The following OMD variants were observed in gnomAD, a reference collection of about 807,000 sequenced individuals.
The protein encoded by OMD is KSPG osteomodulin.
Under a neutral mutation model 31.2 loss-of-function variants are expected in OMD, and 19 were observed. That is an observed-to-expected ratio of 0.61 (90% confidence interval 0.42 to 0.89). The LOEUF (loss-of-function observed/expected upper bound fraction) is 0.89, where lower values mean the gene tolerates loss of function less well. OMD is among the 40% of genes least tolerant of loss of function. The pLI, the probability that OMD is intolerant of heterozygous loss-of-function variation, is 0.00. For missense variants in OMD, 448 were observed against 490.8 expected, an observed-to-expected ratio of 0.91 and a Z score of 0.82; for synonymous variants, 155 against 166.4, an observed-to-expected ratio of 0.93 and a Z score of 0.53.
rs190989996 is a variant in OMD at position 92,417,155 on chromosome 9, C to T, written c.404G>A (p.Gly135Asp). The T allele has an allele frequency of 1.1e-5, 17 of 1,613,672 alleles. No individual in the cohort carries two copies. The highest frequency in any genetic ancestry group is 6.7e-5 in the East Asian group (3 of 44,872). ...NKIKSQKIDY[G>D]VFAKLPNLLQ... The stretch of plus-strand genomic sequence containing the variant: ...TAGATTTGGAAGCTTAGCAAACACA[C>T]CATAATCAATCTTTTGAGATTTAAT... The change falls in exon 2 of 3, where the codon GGT (glycine) becomes GAT (aspartate). Residue 135 changes from glycine (G) to aspartate (D), a missense_variant. By Grantham distance (94) the Gly-to-Asp change is moderately conservative (BLOSUM62 -1). Coordinates refer to ENST00000375550, the MANE Select transcript of OMD (RefSeq NM_005014.3).
chr9:92,417,205 T>C lies in OMD; in HGVS notation c.354A>G (p.Lys118=), dbSNP rs757304061. 6.2e-7 allele frequency: 1 copy of C among 1,614,014 alleles called. No homozygotes were observed. Among genetic ancestry groups the C allele is most frequent in the South Asian group, 1.1e-5 (1 of 91,086 alleles). The change falls in exon 2 of 3, where the codon AAA becomes AAG. Residue 118 remains lysine (K), a synonymous_variant. Coordinates refer to ENST00000375550, the MANE Select transcript of OMD (RefSeq NM_005014.3). ...ANSFINATHL[K]EINLSHNKIK... ...TTTTGTTGTGGCTGAGGTTAATTTC[T>C]TTAAGATGAGTTGCATTGATGAATG... is the stretch of plus-strand genomic sequence containing the variant.
chr9:92,414,055 A>G lies in OMD; in HGVS notation c.*1097T>C, dbSNP rs1843517818. 6.6e-6 allele frequency among the ~76,000 whole-genome samples: 1 copy of G among 152,216 alleles called. No homozygotes were observed. Among genetic ancestry groups the G allele is most frequent in the Non-Finnish European group, 1.5e-5 (1 of 68,032 alleles). ...AAATTCTATGAAACATTAGCATGGTATATCAAGAGAGTTCATCACAGCAGT... is the reference window on the plus strand; with the variant it reads ...AAATTCTATGAAACATTAGCATGGTGTATCAAGAGAGTTCATCACAGCAGT... On this transcript the variant is annotated 3_prime_UTR_variant, in exon 3 of 3. Coordinates refer to ENST00000375550, the MANE Select transcript of OMD (RefSeq NM_005014.3).
intron 1 of OMD, among the ~76,000 whole-genome samples, chr9:92,422,655 T>C (rs571336190): frequency 6.6e-6 from 1 of 152,244 alleles, no homozygotes; most frequent in East Asian, 1.9e-4. Flanking sequence ...TTCCTAACCA[T>C]GTAGTACAAT....
At chr9:92,419,680 G>A (rs1254104001) in intron 1 of OMD, among the ~76,000 whole-genome samples, 2 of 152,116 alleles carry the variant, frequency 1.3e-5, no homozygotes, top group Non-Finnish European at 2.9e-5. Flanking sequence ...TACTTTGCAC[G>A]TTGAAAACTG....
Position 92,416,680 on chromosome 9 carries a change from C to T in OMD, c.879G>A (p.Lys293=), listed in dbSNP as rs546066146. Residue 293 remains lysine (K), a synonymous_variant, in exon 2 of 3, where the codon AAG becomes AAA. Coordinates refer to ENST00000375550, the MANE Select transcript of OMD (RefSeq NM_005014.3). ...VELSVGHNKL[K]QAFYIPRNLE... ...AATTTCTTGGAATATAGAATGCTTGCTTCAATTTGTTGTGTCCAACACTGA... is the reference window on the plus strand; with the variant it reads ...AATTTCTTGGAATATAGAATGCTTGTTTCAATTTGTTGTGTCCAACACTGA... 1.2e-5 allele frequency: 20 copies of T among 1,610,236 alleles called. 1 individual carries two copies. The African/African-American group carries it at 2.3e-4, about 18-fold the overall frequency.
At chr9:92,418,681 G>GCAT (rs1185204446) in intron 1 of OMD, among the ~76,000 whole-genome samples, 1 of 152,098 alleles carries the variant, frequency 6.6e-6, no homozygotes, top group Non-Finnish European at 1.5e-5. Context: ...ACTTCTATTT[G>GCAT]CTGATACCTT....
rs1843499640 is a variant in OMD, at chr9:92,413,374, C to T, written c.*1778G>A. On this transcript the variant is annotated 3_prime_UTR_variant, in exon 3 of 3. Transcript: ENST00000375550. ...CTCCTTCCAAAGGTGTATGAAGGCTCCAATTTTTCCACATCTTGCCAACAC... is the reference window on the plus strand; with the variant it reads ...CTCCTTCCAAAGGTGTATGAAGGCTTCAATTTTTCCACATCTTGCCAACAC... Among the ~76,000 whole-genome samples the T allele has an allele frequency of 6.6e-6, 1 of 152,104 alleles. No individual in the cohort carries two copies. Among genetic ancestry groups the T allele is most frequent in the African/African-American group, 2.4e-5 (1 of 41,414 alleles).
Position 92,417,630 on chromosome 9 carries a change from C to T in OMD, c.-16-56G>A, listed in dbSNP as rs1026314181. The T allele has an allele frequency of 7.9e-6, 7 of 881,348 alleles. No homozygotes were observed. In the African/African-American group the frequency reaches 1.2e-4, roughly 15 times the overall value. The allele number at this position is 881,348 out of a possible 1,614,324, so 54.6% of individuals were successfully genotyped here. ...AGAAAGTGAGTAAACTCAGAATACG[C>T]TTTGTATAAATTCTCAGTTATATGA... On this transcript the variant is annotated intron_variant, in intron 1 of 2. Transcript: ENST00000375550.
chr9:92,424,032 A>G (rs1843893824), intron 1 of OMD, among the ~76,000 whole-genome samples, 170 bp downstream of exon 1: 1 of 152,136 alleles, frequency 6.6e-6, no homozygotes. Flanking sequence ...TTATTTGAAC[A>G]TTTTGCCTAA....
intron 1 of OMD, among the ~76,000 whole-genome samples, chr9:92,423,802 C>T (rs1354643595): frequency 1.3e-5 from 2 of 152,068 alleles, no homozygotes; most frequent in African/African-American, 2.4e-5. Flanking sequence ...CCATCAACCC[C>T]CCAACCGGAA....
rs149148413 is a variant in OMD, at chr9:92,416,822, G to T, written c.737C>A (p.Ser246Tyr). The stretch of plus-strand genomic sequence containing the variant: ...GTCGAAGTATTTTTCGGGTATAGAA[G>T]AAATTGAATTATTTTCTAAAGACAG... ...MYLSLENNSI[S>Y]SIPEKYFDKL... is the part of the protein sequence containing the mutation. Residue 246 changes from serine to tyrosine, a missense_variant, in exon 2 of 3, where the codon TCT (serine) becomes TAT (tyrosine). By Grantham distance (144) the Ser-to-Tyr change is moderately radical. Coordinates refer to ENST00000375550, the MANE Select transcript of OMD (RefSeq NM_005014.3). The T allele has an allele frequency of 2.6e-4, 417 of 1,613,764 alleles. No individual in the cohort carries two copies. The highest frequency in any genetic ancestry group is 3.4e-4 in the Non-Finnish European group (405 of 1,179,850).
intron 1 of OMD, among the ~76,000 whole-genome samples, chr9:92,423,184 A>G (rs991288810): frequency 1.3e-5 from 2 of 152,178 alleles, no homozygotes; most frequent in African/African-American, 4.8e-5. Context: ...ATCACAATAT[A>G]CTGTATTCCT....
chr9:92,423,786 A>G (rs954145939), intron 1 of OMD, among the ~76,000 whole-genome samples: 10 of 152,296 alleles, frequency 6.6e-5, no homozygotes, highest in African/African-American at 2.2e-4. Flanking sequence ...AAATTTGTAC[A>G]AATGCCCATC....
At chr9:92,421,138 C>T (rs1288643818) in intron 1 of OMD, among the ~76,000 whole-genome samples, 1 of 152,168 alleles carries the variant, frequency 6.6e-6, no homozygotes, top group African/African-American at 2.4e-5. Context: ...CTCCTGGGCT[C>T]AAGTGACTCT....
intron 2 of OMD, 80 bp downstream of exon 2, chr9:92,416,539 T>A: frequency 2.2e-6 from 2 of 910,916 alleles, no homozygotes; most frequent in Non-Finnish European, 3.2e-6. Context: ...GTCTAAAGCA[T>A]AGCTTATTGA....
Position 92,414,547 on chromosome 9 carries a change from T to C in OMD, c.*605A>G, listed in dbSNP as rs1843531168. Reference sequence around the variant, plus strand: ...GATTAGTTAATTTTGTGAATCTGTATGCCTTGGGTCCTTAGTACCTGGATG... The same window carrying C: ...GATTAGTTAATTTTGTGAATCTGTACGCCTTGGGTCCTTAGTACCTGGATG... On this transcript the variant is annotated 3_prime_UTR_variant, in exon 3 of 3. Coordinates refer to ENST00000375550, the MANE Select transcript of OMD (RefSeq NM_005014.3). 1 of 209,710 alleles carries C rather than the reference T, an allele frequency of 4.8e-6. No individual in the cohort carries two copies. The allele number at this position is 209,710 out of a possible 1,614,324, so 13.0% of individuals were successfully genotyped here. A position where few individuals can be genotyped will look rare whatever the true frequency, so the allele number is the denominator to read the frequency against.
rs1843525081 is a variant in OMD at position 92,414,310 on chromosome 9, ATTTC to A, written c.*838_*841del. The A allele has an allele frequency of 5.2e-6, 1 of 192,226 alleles. No homozygotes were observed. The highest frequency in any genetic ancestry group is 2.3e-5 in the African/African-American group (1 of 43,104). The allele number at this position is 192,226 out of a possible 1,614,324, so 11.9% of individuals were successfully genotyped here. On this transcript the variant is annotated 3_prime_UTR_variant, in exon 3 of 3. Transcript: ENST00000375550. ...ATTTAATCTTGCAAACAAAGCAGTT[ATTTC>A]TTTGCAAATCATTTTGTAACAAAGA... is the stretch of plus-strand genomic sequence containing the variant.
chr9:92,419,346 A>G (rs2761679), intron 1 of OMD, among the ~76,000 whole-genome samples: 63,478 of 142,584 alleles, frequency 0.45, 16,108 homozygotes, highest in African/African-American at 0.7. Context: ...TGTTGCCCAG[A>G]CTGGAGTGCA....
Position 92,416,080 on chromosome 9 carries a change from TTA to T in OMD, c.940+537_940+538del, listed in dbSNP as rs1843597515. ...TGTGTATATATATATATTTATTTAT[TTA>T]TTTATTTATTTATTTATTTTATTTT... On this transcript the variant is annotated intron_variant, in intron 2 of 2. Transcript: ENST00000375550. Among the ~76,000 whole-genome samples the T allele has an allele frequency of 2.9e-5, 4 of 137,322 alleles. No individual in the cohort carries two copies. In the Admixed American group the frequency reaches 2.9e-4, roughly 10 times the overall value. 90.1% of individuals were successfully genotyped at this position (137,322 alleles called of 152,430 possible). A position where few individuals can be genotyped will look rare whatever the true frequency, so the allele number is the denominator to read the frequency against.
Sources: gnomAD v4.1 joint callset for allele counts (sites outside exome capture counted in the v4.1 genomes callset) on GRCh38, gnomAD v4.1.1 for gene constraint, MANE v1.5 for transcripts, NCBI Gene and HGNC (gene_info 2026-07-23, HGNC 2026-07-21) for gene names.